Variants in KCNB2 observed in about 807,000 individuals in gnomAD.
The protein encoded by KCNB2 is potassium voltage-gated channel subfamily B member 2.
A neutral mutation model predicts 61.5 loss-of-function variants in KCNB2; 15 were observed. The observed-to-expected ratio is 0.24, with a 90% CI of 0.16 to 0.38. The LOEUF is 0.38. Ranked by LOEUF, KCNB2 falls within the 10% of genes least tolerant of loss-of-function variation. The pLI, the probability that KCNB2 is intolerant of heterozygous loss-of-function variation, is 1.00. For missense variants in KCNB2, 828 were observed against 1,125.2 expected (o/e 0.74, Z 3.78); for synonymous variants, 457 against 446.0 (o/e 1.02, Z -0.31).
intron 2 of KCNB2, among the ~76,000 whole-genome samples, chr8:72,571,154 A>T (rs781060352): frequency 2.6e-4 from 40 of 152,244 alleles, no homozygotes; most frequent in Non-Finnish European, 5.4e-4. Context: ...ACAGGCTAAA[A>T]TATCTATTCT....
intron 2 of KCNB2, among the ~76,000 whole-genome samples, chr8:72,756,059 T>C (rs564380036): frequency 6.6e-6 from 1 of 152,266 alleles, no homozygotes; most frequent in East Asian, 1.9e-4. Context: ...AGTGGATCAG[T>C]CGAGAAGTGG....
At chr8:72,794,642 T>G (rs16938370) in intron 2 of KCNB2, among the ~76,000 whole-genome samples, 3,864 of 149,316 alleles carry the variant, frequency 0.026, 105 homozygotes, top group African/African-American at 0.067. Flanking sequence ...GAGGAGTAGG[T>G]TAAAGGTAGG....
intron 2 of KCNB2, among the ~76,000 whole-genome samples, chr8:72,598,036 C>T (rs966732150): frequency 2.0e-5 from 3 of 152,108 alleles, no homozygotes; most frequent in African/African-American, 7.2e-5. Flanking sequence ...TACATGTGTT[C>T]ACTGCAGCAT....
chr8:72,837,447 T>C (rs1809800615), intron 2 of KCNB2, among the ~76,000 whole-genome samples: 1 of 152,220 alleles, frequency 6.6e-6, no homozygotes, highest in Non-Finnish European at 1.5e-5. Context: ...GCTCTGATAC[T>C]TTAAAAGTTC....
chr8:72,932,221 C>G (rs1177364089), intron 2 of KCNB2, among the ~76,000 whole-genome samples: 2 of 152,128 alleles, frequency 1.3e-5, no homozygotes, highest in African/African-American at 4.8e-5. Context: ...GGAAATTATC[C>G]CCAGAGCAAC....
intron 2 of KCNB2, among the ~76,000 whole-genome samples, chr8:72,798,675 A>T (rs1430811378): frequency 6.6e-6 from 1 of 152,148 alleles, no homozygotes; most frequent in Non-Finnish European, 1.5e-5. Flanking sequence ...CCCACCAAAC[A>T]CATTGGTATT....
At chr8:72,540,518 TG>T (rs1806173719) in intron 1 of KCNB2, among the ~76,000 whole-genome samples, 1 of 152,144 alleles carries the variant, frequency 6.6e-6, no homozygotes, top group African/African-American at 2.4e-5. Flanking sequence ...TGTTGTTGTT[TG>T]TTTTTTTTAA....
At chr8:72,647,106 G>A (rs780517365) in intron 2 of KCNB2, among the ~76,000 whole-genome samples, 39 of 152,146 alleles carry the variant, frequency 2.6e-4, no homozygotes, top group Non-Finnish European at 3.4e-4. Flanking sequence ...GGTTGGCAGC[G>A]TGCGTGAGGG....
intron 2 of KCNB2, among the ~76,000 whole-genome samples, chr8:72,646,410 C>CAA (rs1806129549): frequency 6.6e-6 from 1 of 152,052 alleles, no homozygotes; most frequent in Non-Finnish European, 1.5e-5. Context: ...TAAACTCTTT[C>CAA]AAAGAACTGA....
chr8:72,600,923 T>A (rs190651408), intron 2 of KCNB2, among the ~76,000 whole-genome samples: 138 of 151,422 alleles, frequency 9.1e-4, no homozygotes, highest in African/African-American at 3.2e-3. Flanking sequence ...AAATAGTCAG[T>A]ACAATAAACC....
intron 2 of KCNB2, among the ~76,000 whole-genome samples, chr8:72,587,189 T>G (rs1016519040): frequency 6.6e-6 from 1 of 152,188 alleles, no homozygotes; most frequent in African/African-American, 2.4e-5. Context: ...AAAGCGTGGC[T>G]GCTTCAGGAC....
intron 2 of KCNB2, among the ~76,000 whole-genome samples, chr8:72,647,179 A>G (rs928066208): frequency 6.6e-6 from 1 of 152,154 alleles, no homozygotes; most frequent in African/African-American, 2.4e-5. Context: ...AAAACCTATC[A>G]TGGCAAAGCA....
At chr8:72,627,319 A>C (rs767081118) in intron 2 of KCNB2, among the ~76,000 whole-genome samples, 1 of 152,218 alleles carries the variant, frequency 6.6e-6, no homozygotes, top group Non-Finnish European at 1.5e-5. Flanking sequence ...CCTAATGGCT[A>C]TCAGAGATAT....
At chr8:72,856,654 G>C (rs576842819) in intron 2 of KCNB2, among the ~76,000 whole-genome samples, 4 of 152,084 alleles carry the variant, frequency 2.6e-5, no homozygotes, top group Admixed American at 2.0e-4. Flanking sequence ...TCAAATCAGC[G>C]TTTCCTCTGT....
intron 2 of KCNB2, among the ~76,000 whole-genome samples, chr8:72,778,358 T>C (rs1422969065): frequency 1.3e-5 from 2 of 152,140 alleles, no homozygotes; most frequent in East Asian, 3.9e-4. Flanking sequence ...TTACCTCACC[T>C]TCCTTGAGGG....
chr8:72,630,017 T>A (rs1161293408), intron 2 of KCNB2, among the ~76,000 whole-genome samples: 1 of 152,214 alleles, frequency 6.6e-6, no homozygotes, highest in Non-Finnish European at 1.5e-5. Context: ...TGAAGCATGG[T>A]TGTCTGTTAA....
At chr8:72,576,023 C>T (rs79101228) in intron 2 of KCNB2, among the ~76,000 whole-genome samples, 3,299 of 152,040 alleles carry the variant, frequency 0.022, 115 homozygotes, top group African/African-American at 0.075. Context: ...ATTGATCATT[C>T]GGATAAAGGA....
At chr8:72,930,483 G>A (rs952477404) in intron 2 of KCNB2, among the ~76,000 whole-genome samples, 5 of 152,062 alleles carry the variant, frequency 3.3e-5, no homozygotes, top group African/African-American at 9.7e-5. Flanking sequence ...TTTAATGATC[G>A]CCATTCTAAC....
intron 2 of KCNB2, among the ~76,000 whole-genome samples, chr8:72,695,916 A>T (rs1280527916): frequency 6.6e-6 from 1 of 152,234 alleles, no homozygotes; most frequent in Non-Finnish European, 1.5e-5. Flanking sequence ...CAAATCTGGT[A>T]TTAGTTGCAC....
Sources: gnomAD v4.1 joint callset for allele counts (sites outside exome capture counted in the v4.1 genomes callset) on GRCh38, gnomAD v4.1.1 for gene constraint, MANE v1.5 for transcripts, NCBI Gene and HGNC (gene_info 2026-07-23, HGNC 2026-07-21) for gene names.